Variants in PHACTR3 observed in about 807,000 individuals in gnomAD.
PHACTR3 encodes protein phosphatase 1, regulatory subunit 123.
A neutral mutation model predicts 66.8 loss-of-function variants in PHACTR3; 16 were observed. The ratio of observed to expected loss-of-function variants is 0.24; its 90% CI spans 0.16 to 0.36. The LOEUF (loss-of-function observed/expected upper bound fraction) is 0.36. PHACTR3 is among the 10% of genes least tolerant of loss of function. The probability of loss-of-function intolerance (pLI) is 1.00; values close to 1 mark genes in which losing one functional copy is unlikely to be tolerated. For missense variants in PHACTR3, 647 were observed against 719.9 expected (o/e 0.90, Z 1.16); for synonymous variants, 323 against 292.1 (o/e 1.11, Z -1.08).
chr20:59,702,127 T>C (rs1007419146), intron 1 of PHACTR3, among the ~76,000 whole-genome samples: 5 of 152,240 alleles, frequency 3.3e-5, no homozygotes, highest in African/African-American at 4.8e-5. Context: ...ACATCTTGGC[T>C]TCATCCCATT....
chr20:59,635,162 T>C (rs2034832452), intron 1 of PHACTR3, among the ~76,000 whole-genome samples: 6 of 55,082 alleles, frequency 1.1e-4, no homozygotes, highest in Admixed American at 8.5e-4. Context: ...TCTTTCTTTC[T>C]TTCTTTCCTT....
chr20:59,838,238 G>A lies in PHACTR3; in HGVS notation c.1384+1678G>A, dbSNP rs113548271. ...GTGTTTGGTTTTACTTTTGTTCTGT[G>A]GAGATGAGAATAGGGTAACTATATA... is the stretch of plus-strand genomic sequence containing the variant. On this transcript the variant is annotated intron_variant, in intron 9 of 12. Coordinates refer to ENST00000371015, the MANE Select transcript of PHACTR3 (RefSeq NM_080672.5). 7.4e-3 allele frequency among the ~76,000 whole-genome samples: 1,121 copies of A among 152,206 alleles called. 17 individuals carry two copies. Among genetic ancestry groups the A allele is most frequent in the African/African-American group, 0.022 (920 of 41,522 alleles).
intron 1 of PHACTR3, among the ~76,000 whole-genome samples, chr20:59,632,160 T>TCTACCA (rs2034689614): frequency 6.6e-6 from 1 of 152,144 alleles, no homozygotes; most frequent in South Asian, 2.1e-4. Context: ...CTGACTGTGT[T>TCTACCA]CTACCACTGC....
At chr20:59,646,219 G>C (rs1000772383) in intron 1 of PHACTR3, among the ~76,000 whole-genome samples, 2 of 152,192 alleles carry the variant, frequency 1.3e-5, no homozygotes, top group African/African-American at 2.4e-5. Context: ...CTGGGGCCCT[G>C]GGTAAATGTC....
chr20:59,826,761 C>T (rs1350073134), intron 8 of PHACTR3, among the ~76,000 whole-genome samples: 1 of 152,190 alleles, frequency 6.6e-6, no homozygotes, highest in Non-Finnish European at 1.5e-5. Context: ...GTGCGTCTCT[C>T]CCTCCTCTTT....
At chr20:59,589,339 G>A (rs888716944) in intron 1 of PHACTR3, among the ~76,000 whole-genome samples, 3 of 152,322 alleles carry the variant, frequency 2.0e-5, no homozygotes, top group Admixed American at 6.5e-5. Context: ...TTCAGTGTGC[G>A]CATGGGTTTT....
In PHACTR3 at chr20:59,584,745, G is replaced by T. The variant is rs527403238; in HGVS notation, c.109+7128G>T. ...CCCGTGCTGCTCCTTCTGACGGAAG[G>T]CTCCTGGCCTCCCGTGGAGTGTACC... On this transcript the variant is annotated intron_variant, in intron 1 of 12. Transcript: ENST00000359926. 5.3e-5 allele frequency among the ~76,000 whole-genome samples: 8 copies of T among 152,214 alleles called. No homozygotes were observed. The South Asian group carries it at 1.0e-3, about 20-fold the overall frequency.
At chr20:59,618,817 C>T (rs970727747) in intron 1 of PHACTR3, among the ~76,000 whole-genome samples, 3 of 149,510 alleles carry the variant, frequency 2.0e-5, no homozygotes, top group Admixed American at 6.6e-5. Context: ...TGAGCAGGGC[C>T]GAGAGCCTGA....
At chr20:59,634,885 A>T (rs1394934897) in intron 1 of PHACTR3, among the ~76,000 whole-genome samples, 1 of 152,144 alleles carries the variant, frequency 6.6e-6, no homozygotes, top group East Asian at 1.9e-4. Flanking sequence ...GCTGTAATTG[A>T]TTTAAATTTA....
rs141497280 is a variant in PHACTR3 at position 59,703,348 on chromosome 20, T to C, written c.119-39759T>C. Among the ~76,000 whole-genome samples, 6 of 152,344 alleles carry C rather than the reference T, an allele frequency of 3.9e-5. No homozygotes were observed. The East Asian group carries it at 5.8e-4, about 15-fold the overall frequency. Reference sequence around the variant, plus strand: ...AAAGGTCATTTAGATTTTTCAAAAATAGTAGTCGTATCGTTGTCTCATATT... The same window carrying C: ...AAAGGTCATTTAGATTTTTCAAAAACAGTAGTCGTATCGTTGTCTCATATT... On this transcript the variant is annotated intron_variant, in intron 1 of 12. Transcript: ENST00000371015.
chr20:59,580,631 G>A (rs754695305), intron 1 of PHACTR3, among the ~76,000 whole-genome samples: 3 of 151,264 alleles, frequency 2.0e-5, no homozygotes, highest in African/African-American at 4.9e-5. Flanking sequence ...ATCATGACAT[G>A]TCCCAGCTGA....
chr20:59,697,237 T>C (rs2037332176), intron 1 of PHACTR3, among the ~76,000 whole-genome samples: 1 of 152,190 alleles, frequency 6.6e-6, no homozygotes, highest in Admixed American at 6.5e-5. Flanking sequence ...TGACAAACAG[T>C]GCAGGCATGT....
chr20:59,775,612 T>G (rs1050367686), intron 7 of PHACTR3, among the ~76,000 whole-genome samples: 1 of 152,110 alleles, frequency 6.6e-6, no homozygotes, highest in African/African-American at 2.4e-5. Flanking sequence ...CCTGTGCGTT[T>G]GGAGGAGGCT....
chr20:59,692,416 T>A (rs377485856), intron 1 of PHACTR3, among the ~76,000 whole-genome samples: 1 of 152,238 alleles, frequency 6.6e-6, no homozygotes, highest in Non-Finnish European at 1.5e-5. Context: ...TGATTTTGAC[T>A]GTCGCTTGCC....
At chr20:59,605,572 C>T (rs1273622431) in intron 1 of PHACTR3, among the ~76,000 whole-genome samples, 3 of 152,232 alleles carry the variant, frequency 2.0e-5, no homozygotes, top group Non-Finnish European at 4.4e-5. Flanking sequence ...GCAGCTGAGG[C>T]CACCGCGCTG....
intron 9 of PHACTR3, among the ~76,000 whole-genome samples, chr20:59,836,858 G>T (rs1417099492): frequency 1.3e-5 from 2 of 152,150 alleles, no homozygotes; most frequent in Admixed American, 1.3e-4. Context: ...TGGCAGTTTG[G>T]GTCGGGGTTC....
At chr20:59,648,458 T>C (rs1212191231) in intron 1 of PHACTR3, among the ~76,000 whole-genome samples, 1 of 152,184 alleles carries the variant, frequency 6.6e-6, no homozygotes, top group African/African-American at 2.4e-5. Context: ...AAGGTGGTGA[T>C]GGCAATTGGG....
intron 1 of PHACTR3, among the ~76,000 whole-genome samples, chr20:59,677,606 A>G (rs2036495268): frequency 2.0e-5 from 3 of 152,156 alleles, no homozygotes. Context: ...TTTTTGACCC[A>G]GTGGAAAATG....
intron 1 of PHACTR3, among the ~76,000 whole-genome samples, chr20:59,622,146 AT>A (rs113981336): frequency 0.033 from 4,692 of 144,330 alleles, 74 homozygotes; most frequent in Middle Eastern, 0.073. Flanking sequence ...ACTTCCCCTG[AT>A]TTTTTTTTTT....
Sources: gnomAD v4.1 joint callset for allele counts (sites outside exome capture counted in the v4.1 genomes callset) on GRCh38, gnomAD v4.1.1 for gene constraint, MANE v1.5 for transcripts, NCBI Gene and HGNC (gene_info 2026-07-23, HGNC 2026-07-21) for gene names.